Variants in LRWD1 observed in about 807,000 individuals in gnomAD.
LRWD1 encodes the protein leucine-rich repeat and WD repeat-containing protein 1.
Under a neutral mutation model 75.6 loss-of-function variants are expected in LRWD1, and 76 were observed. That is an observed-to-expected ratio of 1.01 (90% CI 0.84 to 1.22). The LOEUF (loss-of-function observed/expected upper bound fraction) is 1.22, where lower values mean the gene tolerates loss of function less well. Among genes scored for constraint, LRWD1 ranks in the 50% most tolerant of loss-of-function variants. LRWD1 has a pLI of 0.00. For missense variants in LRWD1, 917 were observed against 862.0 expected (o/e 1.06, Z -0.80); for synonymous variants, 487 against 377.0 (o/e 1.29, Z -3.38).
intron 14 of LRWD1, 34 bp downstream of exon 14, chr7:102,472,838 T>C: frequency 6.2e-7 from 1 of 1,611,818 alleles, no homozygotes. Context: ...AGGCTTGGGC[T>C]GGCAAGGCAT....
At position 102,468,987 on chromosome 7, in the gene LRWD1, T is replaced by C; in HGVS notation, c.1153T>C (p.Cys385Arg). The C allele has an allele frequency of 1.2e-6, 2 of 1,612,742 alleles. No individual in the cohort carries two copies. Among genetic ancestry groups the C allele is most frequent in the Admixed American group, 3.3e-5 (2 of 59,976 alleles). Reference protein sequence around the residue: ...RLLHVRAGFCCGVIRAHKKAI... With the variant: ...RLLHVRAGFCRGVIRAHKKAI... ...GCTGCACGTGCGTGCCGGCTTCTGC[T>C]GCGGGGTCATCCGAGCCCACAAGAA... Residue 385 changes from cysteine (C) to arginine (R), a missense_variant, in exon 9 of 15, where the codon TGC becomes CGC. Coordinates refer to ENST00000292616, the MANE Select transcript of LRWD1 (RefSeq NM_152892.3).
intron 11 of LRWD1, chr7:102,471,417 GAC>G: frequency 6.5e-6 from 1 of 154,544 alleles, no homozygotes; most frequent in Middle Eastern, 5.2e-4. Flanking sequence ...GAGGAGCTTC[GAC>G]ACAGCAGCTG....
chr7:102,467,307 G>A, intron 3 of LRWD1, 32 bp from the exon 4 acceptor site: 2 of 1,569,024 alleles, frequency 1.3e-6, no homozygotes, highest in South Asian at 2.3e-5. Context: ...GCTGGGGTGG[G>A]CCGGGCCTGG....
chr7:102,467,890 C>A, intron 5 of LRWD1, 67 bp downstream of exon 5: 2 of 1,521,190 alleles, frequency 1.3e-6, no homozygotes, highest in Non-Finnish European at 1.8e-6. Flanking sequence ...TTCAGGAGAC[C>A]AAGGCGTCCT....
rs924972310 is a variant in LRWD1, at chr7:102,472,604, G to A, written c.1685G>A (p.Cys562Tyr). ...TTGGCCTACTTCTCGCTCAGCGCCT[G>A]CCCTGGTGAGCCTGCCCCCCTGCCC... ...TELAYFSLSA[C>Y]PDKGIVLCGD... is the part of the protein sequence containing the mutation. Residue 562 changes from cysteine (C) to tyrosine (Y), a missense_variant, in exon 13 of 15, where the codon TGC (cysteine) becomes TAC (tyrosine). Cys to Tyr is a radical substitution (Grantham distance 194). Transcript: ENST00000292616. 5 of 1,609,118 alleles carry A rather than the reference G, an allele frequency of 3.1e-6. 1 individual carries two copies. The highest frequency in any genetic ancestry group is 3.4e-6 in the Non-Finnish European group (4 of 1,177,456).
chr7:102,467,636 A>AT (rs1306898962), intron 4 of LRWD1, 83 bp from the exon 5 acceptor site: 1 of 1,511,300 alleles, frequency 6.6e-7, no homozygotes, highest in Admixed American at 2.0e-5. Flanking sequence ...CTCTGGAAGC[A>AT]TAAGCTCCCC....
chr7:102,468,410 G>A (rs1485200537), intron 7 of LRWD1, 33 bp downstream of exon 7: 10 of 1,565,550 alleles, frequency 6.4e-6, no homozygotes, highest in African/African-American at 2.7e-5. Flanking sequence ...GGCAAGGGCC[G>A]CTGGAAATAG....
chr7:102,473,155 A>C lies in LRWD1; in HGVS notation c.*106A>C. ...TCAGTGAATATTTTTATTAAACTCT[A>C]CTGTGGACAAGAAGCCTGTGGAAAG... On this transcript the variant is annotated 3_prime_UTR_variant, in exon 15 of 15. Coordinates refer to ENST00000292616, the MANE Select transcript of LRWD1 (RefSeq NM_152892.3). The C allele has an allele frequency of 7.8e-7, 1 of 1,285,046 alleles. No homozygotes were observed. Among genetic ancestry groups the C allele is most frequent in the Non-Finnish European group, 1.1e-6 (1 of 935,886 alleles). 79.6% of individuals were successfully genotyped at this position (1,285,046 alleles called of 1,614,324 possible).
rs746390668 is a variant in LRWD1 at position 102,472,217 on chromosome 7, G to T, written c.1443-1G>T. 22 of 1,588,754 alleles carry T rather than the reference G, an allele frequency of 1.4e-5. No homozygotes were observed. In the South Asian group the frequency reaches 2.5e-4, roughly 18 times the overall value. On this transcript the variant is annotated splice_acceptor_variant, in intron 11 of 14. Transcript: ENST00000292616. LOFTEE classifies it high-confidence loss of function. ...AACTAGCATCTCGTGCTGCCCCACAGGGTGTGTGAAGTGGAATTCGTCTTC... is the reference window on the plus strand; with the variant it reads ...AACTAGCATCTCGTGCTGCCCCACATGGTGTGTGAAGTGGAATTCGTCTTC...
At chr7:102,472,139 T>G (rs1586744587) in intron 11 of LRWD1, 79 bp from the exon 12 acceptor site, 1 of 1,284,060 alleles carries the variant, frequency 7.8e-7, no homozygotes, top group South Asian at 1.3e-5. Flanking sequence ...CCCCAGCAGG[T>G]GCGCTGCAGA....
rs758350510 is a variant in LRWD1, at chr7:102,467,444, G to A, written c.538G>A (p.Gly180Arg). 8.7e-6 allele frequency: 14 copies of A among 1,613,638 alleles called. No homozygotes were observed. The highest frequency in any genetic ancestry group is 5.5e-5 in the South Asian group (5 of 91,078). ...GTCGGCTGTCAGGGATGTCCGCTAC[G>A]GGCCCGAGTCCCTCAGCGAGTTCAC... is the stretch of plus-strand genomic sequence containing the variant. ...VKSAVRDVRY[G>R]PESLSEFTQW... Residue 180 changes from glycine to arginine, a missense_variant, in exon 4 of 15, where the codon GGG becomes AGG. Transcript: ENST00000292616.
intron 9 of LRWD1, 25 bp from the exon 10 acceptor site, chr7:102,469,549 C>T (rs1335864299): frequency 1.2e-6 from 2 of 1,613,424 alleles, no homozygotes; most frequent in African/African-American, 1.3e-5. Flanking sequence ...AGGGCCACTT[C>T]TCCCCTACCC....
At chr7:102,466,760 C>CTTTTTTTTTTT (rs71106685) in intron 3 of LRWD1, among the ~76,000 whole-genome samples, 1 of 53,050 alleles carries the variant, frequency 1.9e-5, no homozygotes, top group African/African-American at 8.9e-5. Context: ...TCTTTTTTAC[C>CTTTTTTTTTTT]TTTTTTTTTT....
chr7:102,472,166 C>T, intron 11 of LRWD1, 52 bp from the exon 12 acceptor site: 2 of 1,516,360 alleles, frequency 1.3e-6, no homozygotes, highest in Non-Finnish European at 1.8e-6. Context: ...GGTGAGTGGG[C>T]AGCTCTCTAT....
rs1364204563 is a variant in LRWD1, at chr7:102,465,031, C to G, written c.-50C>G. 1 of 1,421,060 alleles carries G rather than the reference C, an allele frequency of 7.0e-7. No individual in the cohort carries two copies. The highest frequency in any genetic ancestry group is 3.2e-5 in the Admixed American group (1 of 30,798). The allele number at this position is 1,421,060 out of a possible 1,614,324, so 88.0% of individuals were successfully genotyped here. Reference sequence around the variant, plus strand: ...GGGCTCCAGGAGACGCAGGGCGACGCCACACGCCGGGGTGGCCGACTGGGT... The same window carrying G: ...GGGCTCCAGGAGACGCAGGGCGACGGCACACGCCGGGGTGGCCGACTGGGT... On this transcript the variant is annotated 5_prime_UTR_variant, in exon 1 of 15. Coordinates refer to ENST00000292616, the MANE Select transcript of LRWD1 (RefSeq NM_152892.3).
intron 3 of LRWD1, 127 bp from the exon 4 acceptor site, chr7:102,467,212 G>T (rs1798034121): frequency 2.6e-6 from 2 of 763,980 alleles, no homozygotes; most frequent in East Asian, 2.9e-5. Flanking sequence ...GTGTGTGTGT[G>T]TGTTTTATGA....
chr7:102,468,945 CG>C lies in LRWD1; in HGVS notation c.1115del (p.Gly372AlafsTer135). 6.2e-7 allele frequency: 1 copy of C among 1,612,742 alleles called. No individual in the cohort carries two copies. The highest frequency in any genetic ancestry group is 8.5e-7 in the Non-Finnish European group (1 of 1,179,928). ...GAGTGTGCTGGCGGCTGCAGGCCTA[CG>C]GGGCCTGGTCCGGCTGCTGCACGTG... is the stretch of plus-strand genomic sequence containing the variant. ...RWSVLAAAGL[R>X]GLVRLLHVRA... On this transcript the variant is annotated frameshift_variant, in exon 9 of 15. Transcript: ENST00000292616. LOFTEE classifies it high-confidence loss of function.
chr7:102,469,474 G>A, intron 9 of LRWD1, 100 bp from the exon 10 acceptor site: 1 of 1,384,366 alleles, frequency 7.2e-7, no homozygotes, highest in Non-Finnish European at 1.0e-6. Flanking sequence ...CGCCTCGGAG[G>A]GGCTGGCCTT....
Position 102,472,531 on chromosome 7 carries a change from ACG to A in LRWD1, c.1613_1614del (p.Thr538SerfsTer26), listed in dbSNP as rs1326290723. On this transcript the variant is annotated frameshift_variant, in exon 13 of 15. Transcript: ENST00000292616. LOFTEE classifies it high-confidence loss of function. ...GTGGGGGGGCCGGGGCAGCCAGTCC[ACG>A]GTGGCAGTGGTGGTCCTGGCGCGGC... Reference protein sequence around the residue: ...QTWGGRGSQSTVAVVVLARLQ... With the variant: ...QTWGGRGSQSXVAVVVLARLQ... 1 of 1,581,096 alleles carries A rather than the reference ACG, an allele frequency of 6.3e-7. No homozygotes were observed.
Sources: gnomAD v4.1 joint callset for allele counts (sites outside exome capture counted in the v4.1 genomes callset) on GRCh38, gnomAD v4.1.1 for gene constraint, MANE v1.5 for transcripts, NCBI Gene and HGNC (gene_info 2026-07-23, HGNC 2026-07-21) for gene names.